The following OCA2 variants were observed in gnomAD, a reference collection of about 807,000 sequenced individuals.
OCA2 encodes P protein.
OCA2 carries 77 observed loss-of-function variants against 100.2 expected under a neutral mutation model. The observed-to-expected ratio is 0.77, with a 90% CI of 0.64 to 0.93. The LOEUF is 0.93. Among genes scored for constraint, OCA2 ranks in the 40% least tolerant of loss-of-function variants. The pLI, the probability that OCA2 is intolerant of heterozygous loss-of-function variation, is 0.00. For missense variants in OCA2, 1,062 were observed against 1,089.1 expected (o/e 0.98, Z 0.35); for synonymous variants, 432 against 439.2 (o/e 0.98, Z 0.21).
At chr15:27,730,764 T>C in the OCA2 span, among the ~76,000 whole-genome samples, 1 of 138,108 alleles carries the variant, frequency 7.2e-6, no homozygotes, top group Non-Finnish European at 1.6e-5. Flanking sequence ...TATATATATA[T>C]ATATATATAT....
At chr15:27,992,641 T>C (rs575344045) in intron 9 of OCA2, among the ~76,000 whole-genome samples, 1 of 152,296 alleles carries the variant, frequency 6.6e-6, no homozygotes, top group East Asian at 1.9e-4. Context: ...TCTTCATTAG[T>C]AGAACAGGAT....
intron 2 of OCA2, among the ~76,000 whole-genome samples, chr15:28,062,125 C>A (rs79503560): frequency 6.6e-6 from 1 of 152,212 alleles, no homozygotes; most frequent in Non-Finnish European, 1.5e-5. Context: ...CCATGCTGAA[C>A]AGTTTGAGGA....
intron 19 of OCA2, among the ~76,000 whole-genome samples, chr15:27,877,032 C>T (rs1170676764): frequency 6.6e-5 from 10 of 151,634 alleles, no homozygotes; most frequent in Admixed American, 6.6e-4. Context: ...TACAAGTTTC[C>T]CTCTAAGCTA....
intron 19 of OCA2, among the ~76,000 whole-genome samples, chr15:27,881,029 G>A (rs1158989499): frequency 1.3e-5 from 2 of 152,132 alleles, no homozygotes; most frequent in Admixed American, 1.3e-4. Flanking sequence ...TTGAGGTACA[G>A]TTCCATCAAT....
intron 23 of OCA2, among the ~76,000 whole-genome samples, chr15:27,826,642 C>A (rs544503545): frequency 6.6e-6 from 1 of 152,324 alleles, no homozygotes; most frequent in Non-Finnish European, 1.5e-5. Flanking sequence ...AGGCCCAGCT[C>A]CACATTCCCA....
intron 23 of OCA2, among the ~76,000 whole-genome samples, chr15:27,836,537 G>A (rs539731256): frequency 6.6e-6 from 1 of 152,204 alleles, no homozygotes; most frequent in Non-Finnish European, 1.5e-5. Context: ...AACCCTCAGG[G>A]GAAAAGAAAG....
At chr15:27,849,290 C>G (rs866715591) in intron 22 of OCA2, among the ~76,000 whole-genome samples, 1 of 152,238 alleles carries the variant, frequency 6.6e-6, no homozygotes, top group African/African-American at 2.4e-5. Context: ...CACATGCTGC[C>G]TGGATTGACC....
intron 23 of OCA2, among the ~76,000 whole-genome samples, chr15:27,821,653 GAC>G (rs10530823): frequency 0.5 from 76,398 of 151,338 alleles, 19,834 homozygotes; most frequent in South Asian, 0.76. Flanking sequence ...TGTGCACACA[GAC>G]ACAGGCTCAC....
At chr15:27,970,364 C>CACTGT (rs2040732618) in intron 14 of OCA2, among the ~76,000 whole-genome samples, 1 of 151,998 alleles carries the variant, frequency 6.6e-6, no homozygotes, top group Non-Finnish European at 1.5e-5. Flanking sequence ...AAGAGAGAGA[C>CACTGT]ACTGTCTCAA....
At chr15:28,008,283 C>A (rs1334979941) in intron 9 of OCA2, among the ~76,000 whole-genome samples, 2 of 152,214 alleles carry the variant, frequency 1.3e-5, no homozygotes, top group Non-Finnish European at 2.9e-5. Context: ...TCTTAAATAT[C>A]TGCTGGCCGT....
At chr15:28,042,475 A>AAC (rs2043233329) in intron 2 of OCA2, among the ~76,000 whole-genome samples, 1 of 149,744 alleles carries the variant, frequency 6.7e-6, no homozygotes, top group Non-Finnish European at 1.5e-5. Flanking sequence ...AAAAATACAA[A>AAC]AAAAAAAAAA....
At position 27,798,573 on chromosome 15, in the gene OCA2, G is replaced by A. The variant is rs548262907; in HGVS notation, c.2433-43101C>T. Among the ~76,000 whole-genome samples, 21 of 151,976 alleles carry A rather than the reference G, an allele frequency of 1.4e-4. 1 individual carries two copies. The highest frequency in any genetic ancestry group is 3.9e-4 in the African/African-American group (16 of 41,420). ...TATGAAATTATTCTCCTGCTTCCTC[G>A]CTCTGACCCTGATGATCAGGATTTG... On this transcript the variant is annotated intron_variant, in intron 23 of 23. Transcript: ENST00000354638.
chr15:27,831,284 C>CAAAAAAAAAAAAAAAAAAAAAAAAAA (rs71132824), intron 23 of OCA2, among the ~76,000 whole-genome samples: 2 of 62,632 alleles, frequency 3.2e-5, no homozygotes, highest in Non-Finnish European at 5.7e-5. Context: ...GACTCCGTCT[C>CAAAAAAAAAAAAAAAAAAAAAAAAAA]AAAAAAAAAA....
In OCA2 at chr15:27,843,877, G is replaced by A. The variant is rs77392728; in HGVS notation, c.2432+1082C>T. ...AGCAGTGCCTGGTGCAGGGATCGCTGTCTCCACTGGCTACAGGGTTCTCTG... is the reference window on the plus strand; with the variant it reads ...AGCAGTGCCTGGTGCAGGGATCGCTATCTCCACTGGCTACAGGGTTCTCTG... On this transcript the variant is annotated intron_variant, in intron 23 of 23. Coordinates refer to ENST00000354638, the MANE Select transcript of OCA2 (RefSeq NM_000275.3). Among the ~76,000 whole-genome samples the A allele has an allele frequency of 1.0e-3, 158 of 152,280 alleles. 2 individuals are homozygous for A. The highest frequency in any genetic ancestry group is 1.7e-3 in the Non-Finnish European group (115 of 68,032).
intron 1 of OCA2, among the ~76,000 whole-genome samples, chr15:28,087,177 A>G (rs1796715751): frequency 6.6e-6 from 1 of 152,204 alleles, no homozygotes; most frequent in South Asian, 2.1e-4. Flanking sequence ...AAAAAGTCTT[A>G]AAGAGAGAAA....
chr15:27,752,541 T>G (rs1056244801), downstream of OCA2, among the ~76,000 whole-genome samples: 21 of 152,088 alleles, frequency 1.4e-4, no homozygotes, highest in African/African-American at 5.1e-4. Context: ...AAGCTGAGTA[T>G]CTTCCATCTG....
At chr15:27,900,050 G>A (rs1199289915) in intron 19 of OCA2, among the ~76,000 whole-genome samples, 3 of 152,192 alleles carry the variant, frequency 2.0e-5, no homozygotes, top group African/African-American at 7.2e-5. Flanking sequence ...AGTCAAGGCA[G>A]TGACTATGTT....
At chr15:27,974,597 A>G (rs1416938557) in intron 14 of OCA2, among the ~76,000 whole-genome samples, 1 of 152,162 alleles carries the variant, frequency 6.6e-6, no homozygotes, top group Admixed American at 6.5e-5. Flanking sequence ...GTGAAACCCC[A>G]TCTCTACTAA....
chr15:27,955,255 C>A (rs200552295), intron 16 of OCA2, 40 bp from the exon 17 acceptor site: 41 of 1,470,438 alleles, frequency 2.8e-5, no homozygotes, highest in South Asian at 1.0e-4. Context: ...TCCCTGGTCA[C>A]GCTGCGTGGT....
Sources: allele counts gnomAD v4.1 joint callset (sites outside exome capture counted in the v4.1 genomes callset), GRCh38; gene constraint gnomAD v4.1.1; transcripts MANE v1.5; gene names NCBI Gene and HGNC (gene_info 2026-07-23, HGNC 2026-07-21).